The following ADAMTSL1 variants were observed in gnomAD, a reference collection of about 807,000 sequenced individuals.
ADAMTSL1 encodes ADAMTS like 1, also known as ADAMTS-like protein 1.
ADAMTSL1 carries 126 observed loss-of-function variants against 201.8 expected under a neutral mutation model. The observed-to-expected ratio is 0.62, with a 90% CI of 0.54 to 0.72. The LOEUF is 0.72. ADAMTSL1 is among the 30% of genes least tolerant of loss of function. The probability of loss-of-function intolerance (pLI) is 0.00; values close to 1 mark genes in which losing one functional copy is unlikely to be tolerated. For synonymous variants in ADAMTSL1, 1,121 were observed against 903.4 expected (o/e 1.24, Z -4.32); for missense variants, 2,679 against 2,277.8 (o/e 1.18, Z -3.59).
intron 2 of ADAMTSL1, among the ~76,000 whole-genome samples, chr9:18,521,806 G>T (rs1818710508): frequency 6.6e-6 from 1 of 152,134 alleles, no homozygotes; most frequent in Non-Finnish European, 1.5e-5. Context: ...ATGATAGAAT[G>T]ACATTTTTAA....
At chr9:18,449,973 A>G (rs1260940438) in intron 2 of ADAMTSL1, among the ~76,000 whole-genome samples, 2 of 152,200 alleles carry the variant, frequency 1.3e-5, no homozygotes, top group Non-Finnish European at 2.9e-5. Flanking sequence ...AGCTGCTTAC[A>G]TTAAGTTAAA....
intron 1 of ADAMTSL1, among the ~76,000 whole-genome samples, chr9:18,120,230 C>A (rs1332623509): frequency 6.6e-6 from 1 of 152,190 alleles, no homozygotes; most frequent in South Asian, 2.1e-4. Context: ...ACCACATGGG[C>A]CTCTCCATGA....
At chr9:18,679,517 T>C (rs1830323203) in intron 10 of ADAMTSL1, among the ~76,000 whole-genome samples, 1 of 152,190 alleles carries the variant, frequency 6.6e-6, no homozygotes, top group Admixed American at 6.5e-5. Flanking sequence ...TGGAAGTCTC[T>C]TAAATGTTTT....
intron 2 of ADAMTSL1, among the ~76,000 whole-genome samples, chr9:18,176,759 G>A (rs1311564122): frequency 6.6e-6 from 1 of 152,146 alleles, no homozygotes; most frequent in African/African-American, 2.4e-5. Flanking sequence ...TAGGAGTTCA[G>A]AATGTTAACA....
At chr9:18,719,584 G>A (rs1253579011) in intron 14 of ADAMTSL1, among the ~76,000 whole-genome samples, 2 of 152,114 alleles carry the variant, frequency 1.3e-5, no homozygotes, top group South Asian at 4.1e-4. Context: ...GGCTGGTCTC[G>A]AACTCCTGAC....
chr9:18,499,569 T>A (rs1239012587), intron 1 of ADAMTSL1, among the ~76,000 whole-genome samples: 1 of 152,176 alleles, frequency 6.6e-6, no homozygotes, highest in Non-Finnish European at 1.5e-5. Flanking sequence ...ACAGGAAAAA[T>A]GGTTCTCTCA....
Position 18,706,944 on chromosome 9 carries a change from A to T in ADAMTSL1, c.1772A>T (p.Asn591Ile). Residue 591 changes from asparagine to isoleucine, a missense_variant, in exon 14 of 29, where the codon AAC becomes ATC. Physicochemically the swap from Asn to Ile is moderately radical, Grantham distance 149. Coordinates refer to ENST00000380548, the MANE Select transcript of ADAMTSL1 (RefSeq NM_001040272.6). ...TGCAGCGGGGAAATTCCTGAGTTCAACCCAGACGAGACAGATGGGCTCTTT... is the reference window on the plus strand; with the variant it reads ...TGCAGCGGGGAAATTCCTGAGTTCATCCCAGACGAGACAGATGGGCTCTTT... Reference protein sequence around the residue: ...GPCSGEIPEFNPDETDGLFGG... With the variant: ...GPCSGEIPEFIPDETDGLFGG... The T allele has an allele frequency of 4.3e-6, 7 of 1,613,918 alleles. No individual in the cohort carries two copies. Among genetic ancestry groups the T allele is most frequent in the Non-Finnish European group, 5.9e-6 (7 of 1,179,880 alleles).
intron 2 of ADAMTSL1, among the ~76,000 whole-genome samples, chr9:18,353,833 G>C (rs1836085750): frequency 1.3e-5 from 2 of 152,018 alleles, no homozygotes; most frequent in Admixed American, 6.6e-5. Context: ...AATGAAAATA[G>C]CCTTATTATG....
At chr9:18,085,971 A>G (rs573571338) in intron 1 of ADAMTSL1, among the ~76,000 whole-genome samples, 1 of 152,170 alleles carries the variant, frequency 6.6e-6, no homozygotes, top group African/African-American at 2.4e-5. Context: ...TTATAAGATA[A>G]TATCTTGAAA....
chr9:18,055,395 G>T (rs555040754), intron 1 of ADAMTSL1, among the ~76,000 whole-genome samples: 68 of 152,314 alleles, frequency 4.5e-4, no homozygotes, highest in Non-Finnish European at 8.5e-4. Flanking sequence ...ATCAAAGGAA[G>T]TGTGTAGAAG....
At chr9:18,061,828 A>ATT (rs1159824505) in intron 1 of ADAMTSL1, among the ~76,000 whole-genome samples, 1 of 152,248 alleles carries the variant, frequency 6.6e-6, no homozygotes, top group East Asian at 1.9e-4. Flanking sequence ...GATAAAGTGC[A>ATT]TTGGCGGTTT....
intron 1 of ADAMTSL1, among the ~76,000 whole-genome samples, chr9:18,105,086 G>A (rs79477927): frequency 6.6e-6 from 1 of 152,172 alleles, no homozygotes; most frequent in Admixed American, 6.5e-5. Flanking sequence ...AGTACTGTGA[G>A]TCAGAGACTC....
intron 1 of ADAMTSL1, among the ~76,000 whole-genome samples, chr9:18,121,452 G>A (rs1219454699): frequency 6.6e-6 from 1 of 152,182 alleles, no homozygotes; most frequent in Non-Finnish European, 1.5e-5. Context: ...AAGCCTTGAA[G>A]TAAAGGCATT....
chr9:18,667,426 T>C (rs918987138), intron 9 of ADAMTSL1, among the ~76,000 whole-genome samples: 9 of 152,090 alleles, frequency 5.9e-5, no homozygotes, highest in African/African-American at 2.2e-4. Context: ...TAGCCTGATG[T>C]TTAGGAGTGG....
chr9:18,140,393 G>T (rs904130049), intron 1 of ADAMTSL1, among the ~76,000 whole-genome samples: 1 of 152,158 alleles, frequency 6.6e-6, no homozygotes, highest in Non-Finnish European at 1.5e-5. Flanking sequence ...ATGGGGCAAA[G>T]TCCAGCAGAG....
intron 23 of ADAMTSL1, among the ~76,000 whole-genome samples, chr9:18,884,264 C>A (rs7023129): frequency 6.6e-6 from 1 of 151,896 alleles, no homozygotes; most frequent in Admixed American, 6.6e-5. Context: ...TTGCCTGAAC[C>A]GGGTTGTTTG....
intron 25 of ADAMTSL1, among the ~76,000 whole-genome samples, chr9:18,891,308 G>A (rs558941159): frequency 2.0e-5 from 3 of 152,242 alleles, no homozygotes; most frequent in Non-Finnish European, 4.4e-5. Context: ...GGGTAACCCC[G>A]CTGTGACCCA....
intron 2 of ADAMTSL1, among the ~76,000 whole-genome samples, chr9:18,262,483 G>A (rs917069628): frequency 3.3e-5 from 5 of 152,156 alleles, no homozygotes; most frequent in Admixed American, 6.5e-5. Context: ...AAAGCATATC[G>A]TATAAGAGAC....
intron 3 of ADAMTSL1, among the ~76,000 whole-genome samples, chr9:18,554,226 A>T (rs546245139): frequency 1.3e-5 from 2 of 151,790 alleles, no homozygotes; most frequent in Admixed American, 1.3e-4. Flanking sequence ...AATTCTTCTT[A>T]AAAATGTCCA....
Sources: allele counts gnomAD v4.1 joint callset (sites outside exome capture counted in the v4.1 genomes callset), GRCh38; gene constraint gnomAD v4.1.1; transcripts MANE v1.5; gene names NCBI Gene and HGNC (gene_info 2026-07-23, HGNC 2026-07-21).